CEP112: variants seen among roughly 807,000 people sequenced by gnomAD.
CEP112 encodes centrosomal protein of 112 kDa.
Under a neutral mutation model 153.0 loss-of-function variants are expected in CEP112, and 127 were observed. That is an observed-to-expected ratio of 0.83 (90% CI 0.72 to 0.96). CEP112 has a LOEUF of 0.96. Among genes scored for constraint, CEP112 ranks in the 40% least tolerant of loss-of-function variants. The pLI is 0.00. For missense variants in CEP112, 1,089 were observed against 1,101.2 expected, an observed-to-expected ratio of 0.99 and a Z score of 0.16; for synonymous variants, 358 against 374.4, an observed-to-expected ratio of 0.96 and a Z score of 0.51.
At chr17:66,114,202 ATAACT>A (rs1252110256) in intron 6 of CEP112, among the ~76,000 whole-genome samples, 1 of 152,248 alleles carries the variant, frequency 6.6e-6, no homozygotes. Flanking sequence ...AAAATATGTA[ATAACT>A]TAGGCTAGAC....
intron 17 of CEP112, among the ~76,000 whole-genome samples, chr17:65,996,719 T>C (rs1393856433): frequency 6.6e-6 from 1 of 152,210 alleles, no homozygotes; most frequent in Non-Finnish European, 1.5e-5. Context: ...CCCTAAAGTA[T>C]AGTTCATTCA....
chr17:65,981,376 T>G (rs1490846975), intron 17 of CEP112, among the ~76,000 whole-genome samples: 1 of 152,160 alleles, frequency 6.6e-6, no homozygotes, highest in Non-Finnish European at 1.5e-5. Flanking sequence ...AACCAGCATA[T>G]TCGATAGCTA....
intron 26 of CEP112, 178 bp downstream of exon 26, chr17:65,636,946 G>A: frequency 1.7e-6 from 1 of 602,920 alleles, no homozygotes; most frequent in Non-Finnish European, 2.9e-6. Flanking sequence ...TACAGACTAA[G>A]CACTGGGATG....
At position 65,637,155 on chromosome 17, in the gene CEP112, G is replaced by A; in HGVS notation, c.2833C>T (p.Gln945Ter). The A allele has an allele frequency of 6.2e-7, 1 of 1,614,058 alleles. No homozygotes were observed. Among genetic ancestry groups the A allele is most frequent in the Non-Finnish European group, 8.5e-7 (1 of 1,179,926 alleles). Residue 945 changes from glutamine (Q) to a stop codon, truncating the protein, a stop_gained, in exon 26 of 27, where the codon CAG becomes TAG. Transcript: ENST00000535342. LOFTEE classifies it high-confidence loss of function. ...NFLQKRASIL[Q>*]EELTTYQGRR The stretch of plus-strand genomic sequence containing the variant: ...CCTTGATATGTAGTCAGTTCTTCCT[G>A]AAGGATGGAAGCTCTCTTTTGCAGA...
At chr17:65,665,518 C>G (rs577442818) in intron 24 of CEP112, among the ~76,000 whole-genome samples, 1 of 152,304 alleles carries the variant, frequency 6.6e-6, no homozygotes, top group South Asian at 2.1e-4. Flanking sequence ...TTCTGTGGAA[C>G]AGAACTTTCT....
At chr17:65,730,581 G>A (rs2050445178) in intron 23 of CEP112, among the ~76,000 whole-genome samples, 1 of 152,102 alleles carries the variant, frequency 6.6e-6, no homozygotes, top group Non-Finnish European at 1.5e-5. Flanking sequence ...GGGGAGACAG[G>A]AATTAAGTAA....
rs563709772 is a variant in CEP112 at position 65,686,058 on chromosome 17, A to C, written c.2697+3071T>G. Among the ~76,000 whole-genome samples the C allele has an allele frequency of 6.6e-5, 10 of 151,564 alleles. No individual in the cohort carries two copies. In the South Asian group the frequency reaches 2.1e-3, roughly 32 times the overall value. On this transcript the variant is annotated intron_variant, in intron 24 of 26. Coordinates refer to ENST00000535342, the MANE Select transcript of CEP112 (RefSeq NM_001199165.4). ...TAAAAGATTAAGTTAAATATGGATGAATAGTATTTGTTAAATATCTATTAT... is the reference window on the plus strand; with the variant it reads ...TAAAAGATTAAGTTAAATATGGATGCATAGTATTTGTTAAATATCTATTAT...
At chr17:65,768,522 G>A (rs1427761057) in intron 21 of CEP112, among the ~76,000 whole-genome samples, 5 of 151,966 alleles carry the variant, frequency 3.3e-5, no homozygotes, top group Non-Finnish European at 1.5e-5. Flanking sequence ...AAAACTATAG[G>A]CCAACCTCTC....
chr17:65,681,365 T>G (rs902952109), intron 24 of CEP112, among the ~76,000 whole-genome samples: 4 of 151,996 alleles, frequency 2.6e-5, no homozygotes, highest in African/African-American at 9.7e-5. Context: ...CTCATGGCCC[T>G]CTTATATCCC....
chr17:66,056,475 G>T (rs2066693250), intron 11 of CEP112, among the ~76,000 whole-genome samples: 1 of 152,216 alleles, frequency 6.6e-6, no homozygotes, highest in Non-Finnish European at 1.5e-5. Flanking sequence ...AAAAAGTGGA[G>T]TCAACTCAAA....
intron 21 of CEP112, among the ~76,000 whole-genome samples, chr17:65,800,703 T>C (rs2055216628): frequency 1.3e-5 from 2 of 152,246 alleles, no homozygotes; most frequent in African/African-American, 4.8e-5. Context: ...CTAAAGTGGT[T>C]GGGCTGTTTT....
At chr17:66,077,305 G>A (rs916752913) in intron 8 of CEP112, among the ~76,000 whole-genome samples, 32 of 152,168 alleles carry the variant, frequency 2.1e-4, no homozygotes, top group South Asian at 1.0e-3. Context: ...CCAAAAAAAC[G>A]ATACAAGAAG....
At chr17:66,152,416 G>A (rs369854594) in intron 4 of CEP112, among the ~76,000 whole-genome samples, 23 of 152,118 alleles carry the variant, frequency 1.5e-4, no homozygotes, top group African/African-American at 4.6e-4. Flanking sequence ...AAGTGCTGTC[G>A]CTCTTAGGTG....
At chr17:65,844,023 T>C (rs1410729018) in intron 21 of CEP112, among the ~76,000 whole-genome samples, 1 of 152,132 alleles carries the variant, frequency 6.6e-6, no homozygotes, top group Non-Finnish European at 1.5e-5. Flanking sequence ...GATGAGCTGA[T>C]GAGAAAAACA....
rs570250746 is a variant in CEP112 at position 65,923,219 on chromosome 17, T to G, written c.1980+4363A>C. Among the ~76,000 whole-genome samples, 6 of 152,328 alleles carry G rather than the reference T, an allele frequency of 3.9e-5. No homozygotes were observed. In the South Asian group the frequency reaches 1.2e-3, roughly 32 times the overall value. ...GCTTTTGCAGTTAGAAAGTCTGAAG[T>G]TATCCATACTTTGGCACTGTTGAAA... On this transcript the variant is annotated intron_variant, in intron 19 of 26. Transcript: ENST00000535342.
intron 21 of CEP112, among the ~76,000 whole-genome samples, chr17:65,751,636 GTC>G (rs2145261941): frequency 6.6e-6 from 1 of 152,178 alleles, no homozygotes; most frequent in Admixed American, 6.5e-5. Flanking sequence ...TAGATTTAGT[GTC>G]TCTTTTTCTT....
At chr17:65,756,959 G>C (rs757149910) in intron 21 of CEP112, among the ~76,000 whole-genome samples, 15 of 152,158 alleles carry the variant, frequency 9.9e-5, no homozygotes, top group Non-Finnish European at 1.8e-4. Flanking sequence ...TGTATTTGGA[G>C]ATAGGGCCTT....
intron 21 of CEP112, among the ~76,000 whole-genome samples, chr17:65,767,211 T>A (rs893211309): frequency 6.6e-5 from 10 of 151,972 alleles, no homozygotes; most frequent in African/African-American, 2.4e-4. Flanking sequence ...TGGTATAAAA[T>A]TAGAAATCAA....
intron 24 of CEP112, among the ~76,000 whole-genome samples, chr17:65,681,063 C>T (rs2047497597): frequency 6.6e-6 from 1 of 152,116 alleles, no homozygotes; most frequent in South Asian, 2.1e-4. Context: ...GCTGCAAAGG[C>T]ACAGATAGAT....
Sources: allele counts gnomAD v4.1 joint callset (sites outside exome capture counted in the v4.1 genomes callset), GRCh38; gene constraint gnomAD v4.1.1; transcripts MANE v1.5; gene names NCBI Gene and HGNC (gene_info 2026-07-23, HGNC 2026-07-21).